Variants in TRPM7 observed in about 807,000 individuals in gnomAD.
TRPM7 encodes LTRPC ion channel family member 7.
TRPM7 carries 134 observed loss-of-function variants against 229.7 expected under a neutral mutation model. That is an observed-to-expected ratio of 0.58 (90% CI 0.51 to 0.67). The LOEUF is 0.67. TRPM7 is among the 30% of genes least tolerant of loss of function. The pLI, the probability that TRPM7 is intolerant of heterozygous loss-of-function variation, is 0.00. For missense variants in TRPM7, 1,901 were observed against 2,210.0 expected (o/e 0.86, Z 2.80); for synonymous variants, 699 against 715.2 (o/e 0.98, Z 0.36).
chr15:50,597,493 A>C lies in TRPM7; in HGVS notation c.3164-1112T>G, dbSNP rs199778251. 2.0e-4 allele frequency among the ~76,000 whole-genome samples: 30 copies of C among 152,378 alleles called. No individual in the cohort carries two copies. In the East Asian group the frequency reaches 5.4e-3, roughly 27 times the overall value. On this transcript the variant is annotated intron_variant, in intron 22 of 38. Transcript: ENST00000646667. ...CTTTTCACTCTTAAATAATTTTATG[A>C]ATCTATTTCCATTCTATTCAGATTA...
chr15:50,648,308 G>C (rs1269226045), intron 4 of TRPM7, among the ~76,000 whole-genome samples: 4 of 151,754 alleles, frequency 2.6e-5, no homozygotes, highest in Non-Finnish European at 4.4e-5. Context: ...AAAGAAAAAA[G>C]TGAGACAAAT....
intron 1 of TRPM7, among the ~76,000 whole-genome samples, chr15:50,667,157 G>A (rs62017208): frequency 0.15 from 22,198 of 152,070 alleles, 2,210 homozygotes; most frequent in Admixed American, 0.28. Flanking sequence ...GGCAGTTATG[G>A]GGAAATACAC....
intron 1 of TRPM7, among the ~76,000 whole-genome samples, chr15:50,671,595 G>A (rs1165896163): frequency 6.6e-6 from 1 of 152,052 alleles, no homozygotes; most frequent in Non-Finnish European, 1.5e-5. Context: ...GACTGCTTGA[G>A]GCCAGGAGTT....
At chr15:50,655,901 A>C (rs2061552393) in intron 3 of TRPM7, among the ~76,000 whole-genome samples, 1 of 152,020 alleles carries the variant, frequency 6.6e-6, no homozygotes. Flanking sequence ...GAGGCAGGAG[A>C]ATCACTTGAA....
At chr15:50,580,807 A>G in intron 30 of TRPM7, 67 bp downstream of exon 30, 1 of 1,427,962 alleles carries the variant, frequency 7.0e-7, no homozygotes, top group Non-Finnish European at 9.5e-7. Context: ...TGTAAAGAGC[A>G]GGAAAAAAGA....
At chr15:50,639,675 TC>T (rs1359059684) in intron 5 of TRPM7, 127 bp from the exon 6 acceptor site, 1 of 704,686 alleles carries the variant, frequency 1.4e-6, no homozygotes, top group Non-Finnish European at 2.1e-6. Context: ...CAAGCGATCC[TC>T]CCTTGTGAGC....
rs1379601114 is a variant in TRPM7 at position 50,575,739 on chromosome 15, G to T, written c.4720C>A (p.Pro1574Thr). ...MRLSQSIPFT[P>T]VPPRGEPVTV... is the part of the protein sequence containing the mutation. Reference sequence around the variant, plus strand: ...TTGGATTTACCTCTTGGAGGCACAGGTGTAAATGGAATGCTCTGTGATAAC... The same window carrying T: ...TTGGATTTACCTCTTGGAGGCACAGTTGTAAATGGAATGCTCTGTGATAAC... Residue 1574 changes from proline (P) to threonine (T), a missense_variant, in exon 33 of 39, where the codon CCT (proline) becomes ACT (threonine). Physicochemically the swap from Pro to Thr is conservative, Grantham distance 38. Around this residue, in one of 8 missense-constraint regions of TRPM7, gnomAD observed 257 missense variants for 352.0 expected, o/e 0.73. Transcript: ENST00000646667. The T allele has an allele frequency of 6.2e-7, 1 of 1,612,814 alleles. No homozygotes were observed. The highest frequency in any genetic ancestry group is 1.1e-5 in the South Asian group (1 of 90,790).
At chr15:50,671,590 C>G (rs1428988425) in intron 1 of TRPM7, among the ~76,000 whole-genome samples, 1 of 152,050 alleles carries the variant, frequency 6.6e-6, no homozygotes, top group Non-Finnish European at 1.5e-5. Flanking sequence ...GAGAGGACTG[C>G]TTGAGGCCAG....
intron 2 of TRPM7, among the ~76,000 whole-genome samples, chr15:50,659,906 G>A (rs758523516): frequency 9.2e-5 from 14 of 152,116 alleles, no homozygotes; most frequent in Non-Finnish European, 1.8e-4. Context: ...GACCTCAGGT[G>A]ATCCACCTAC....
At chr15:50,656,297 TTTTG>T (rs1479934269) in intron 3 of TRPM7, among the ~76,000 whole-genome samples, 2 of 151,870 alleles carry the variant, frequency 1.3e-5, no homozygotes, top group African/African-American at 2.4e-5. Flanking sequence ...TGTCAGGTCT[TTTTG>T]TTTGTTTTTT....
chr15:50,685,446 G>A (rs1230834853), intron 1 of TRPM7, among the ~76,000 whole-genome samples: 1 of 152,200 alleles, frequency 6.6e-6, no homozygotes, highest in African/African-American at 2.4e-5. Context: ...GACAGAGTGA[G>A]ACCCTGTCTC....
intron 13 of TRPM7, among the ~76,000 whole-genome samples, chr15:50,618,596 TAAATAAATAAATAAATAAAC>T (rs1311070226): frequency 7.4e-5 from 11 of 148,316 alleles, no homozygotes; most frequent in Admixed American, 2.8e-4. Flanking sequence ...AATAAATAAA[TAAATAAATAAATAAATAAAC>T]GTATGTTAAA....
Position 50,609,707 on chromosome 15 carries a change from T to C in TRPM7, c.2454A>G (p.Val818=), listed in dbSNP as rs2060015025. The change falls in exon 19 of 39, where the codon GTA becomes GTG. Residue 818 remains valine, a synonymous_variant. Transcript: ENST00000646667. ...TTCCTTCATTACTATCCAAAATCCG[T>C]ACTTCTTTAAACACTTCCTAAAATT... is the stretch of plus-strand genomic sequence containing the variant. ...EEIPMEVFKE[V]RILDSNEGKN... 2.5e-6 allele frequency: 4 copies of C among 1,596,722 alleles called. No individual in the cohort carries two copies. The highest frequency in any genetic ancestry group is 3.4e-6 in the Non-Finnish European group (4 of 1,174,276).
At position 50,682,173 on chromosome 15, in the gene TRPM7, C is replaced by CAAAAAAAAAACAAA. The variant is rs1555436860; in HGVS notation, c.3+4357_3+4358insTTTGTTTTTTTTTT. ...TGGGCAAAAGAGCAAAACTCAGTCTCAAAAAAAAAAAAAAAAAAGGACTGT... is the reference window on the plus strand; with the variant it reads ...TGGGCAAAAGAGCAAAACTCAGTCTCAAAAAAAAAACAAAAAAAAAAAAAAAAAAAAAGGACTGT... On this transcript the variant is annotated intron_variant, in intron 1 of 38. Transcript: ENST00000646667. 1.4e-4 allele frequency among the ~76,000 whole-genome samples: 9 copies of CAAAAAAAAAACAAA among 63,680 alleles called. No individual in the cohort carries two copies. The East Asian group carries it at 2.9e-3, about 20-fold the overall frequency. The allele number at this position is 63,680 out of a possible 152,430, so 41.8% of individuals were successfully genotyped here.
At position 50,610,667 on chromosome 15, in the gene TRPM7, T is replaced by C. The variant is rs144026120; in HGVS notation, c.2280+426A>G. Among the ~76,000 whole-genome samples the C allele has an allele frequency of 6.7e-3, 1,027 of 152,312 alleles. 16 individuals are homozygous for C. Among genetic ancestry groups the C allele is most frequent in the African/African-American group, 0.024 (983 of 41,580 alleles). On this transcript the variant is annotated intron_variant, in intron 17 of 38. Transcript: ENST00000646667. ...ATCATAAAAACAGGCCACATGGATA[T>C]ACTTATCTATAATGGGTATATCAAT...
intron 1 of TRPM7, among the ~76,000 whole-genome samples, chr15:50,677,761 C>CAAAAAAAAAAAAAAAAAAAAAAAAAAAAA (rs1567126859): frequency 1.0e-5 from 1 of 96,580 alleles, no homozygotes. Flanking sequence ...AAAAAAAAAA[C>CAAAAAAAAAAAAAAAAAAAAAAAAAAAAA]AAAAGGTAAC....
rs1457246655 is a variant in TRPM7, at chr15:50,613,821, G to A, written c.1656C>T (p.Ser552=). The A allele has an allele frequency of 6.2e-7, 1 of 1,612,388 alleles. No individual in the cohort carries two copies. Among genetic ancestry groups the A allele is most frequent in the Non-Finnish European group, 8.5e-7 (1 of 1,179,660 alleles). The change falls in exon 15 of 39, where the codon TCC becomes TCT. Residue 552 remains serine, a synonymous_variant. Coordinates refer to ENST00000646667, the MANE Select transcript of TRPM7 (RefSeq NM_017672.6). ...GNNRRSGRNT[S]SSTPQLRKSH... is the part of the protein sequence containing the mutation. Reference sequence around the variant, plus strand: ...TCTTTCGCAACTGAGGAGTGCTGCTGGAGGTATTTCGGCCAGACCTCTGAA... The same window carrying A: ...TCTTTCGCAACTGAGGAGTGCTGCTAGAGGTATTTCGGCCAGACCTCTGAA...
At chr15:50,660,343 A>T (rs2061692199) in intron 2 of TRPM7, among the ~76,000 whole-genome samples, 1 of 152,146 alleles carries the variant, frequency 6.6e-6, no homozygotes. Context: ...CAAATTTAAA[A>T]TATATACTAT....
rs2054367187 is a variant in TRPM7 at position 50,580,849 on chromosome 15, TAATGGTAAG to T, written c.4592+16_4592+24del. 1.3e-6 allele frequency: 2 copies of T among 1,578,720 alleles called. No homozygotes were observed. Among genetic ancestry groups the T allele is most frequent in the Non-Finnish European group, 1.7e-6 (2 of 1,168,782 alleles). On this transcript the variant is annotated intron_variant, in intron 30 of 38. Coordinates refer to ENST00000646667, the MANE Select transcript of TRPM7 (RefSeq NM_017672.6). ...TCAATAACTATGATACTTCGCAAGC[TAATGGTAAG>T]AAAAAGCTTACTTACATTTCTCTGT...
Sources: gnomAD v4.1 joint callset for allele counts (sites outside exome capture counted in the v4.1 genomes callset) on GRCh38, gnomAD v4.1.1 for gene constraint, gnomAD v4.1.1 regional missense constraint, MANE v1.5 for transcripts, NCBI Gene and HGNC (gene_info 2026-07-23, HGNC 2026-07-21) for gene names.